ADAMTS17: variants seen among roughly 807,000 people sequenced by gnomAD.
The protein encoded by ADAMTS17 is ADAM metallopeptidase with thrombospondin type 1 motif 17.
A neutral mutation model predicts 141.5 loss-of-function variants in ADAMTS17; 113 were observed. The ratio of observed to expected loss-of-function variants is 0.80; its 90% CI spans 0.69 to 0.93. The LOEUF (loss-of-function observed/expected upper bound fraction) is 0.93. Ranked by LOEUF, ADAMTS17 falls within the 40% of genes least tolerant of loss-of-function variation. ADAMTS17 has a pLI of 0.00. For missense variants in ADAMTS17, 1,659 were observed against 1,517.9 expected, an observed-to-expected ratio of 1.09 and a Z score of -1.54; for synonymous variants, 768 against 630.6, an observed-to-expected ratio of 1.22 and a Z score of -3.27.
chr15:100,055,949 C>T (rs1552098), intron 15 of ADAMTS17, among the ~76,000 whole-genome samples: 40,759 of 152,020 alleles, frequency 0.27, 8,633 homozygotes, highest in African/African-American at 0.59. Context: ...CTGAATCCAA[C>T]AGACCAACCC....
intron 18 of ADAMTS17, among the ~76,000 whole-genome samples, chr15:100,004,174 C>A (rs2060987259): frequency 6.6e-6 from 1 of 152,224 alleles, no homozygotes; most frequent in Non-Finnish European, 1.5e-5. Flanking sequence ...CACGTTCACA[C>A]CTGCAGTGCA....
intron 10 of ADAMTS17, among the ~76,000 whole-genome samples, chr15:100,148,477 T>G (rs1257707519): frequency 6.6e-6 from 1 of 152,164 alleles, no homozygotes; most frequent in Non-Finnish European, 1.5e-5. Flanking sequence ...CACATGTAAT[T>G]TTGAAAGATA....
intron 8 of ADAMTS17, among the ~76,000 whole-genome samples, chr15:100,164,345 C>T (rs1344330985): frequency 3.3e-5 from 5 of 151,916 alleles, no homozygotes; most frequent in African/African-American, 9.7e-5. Flanking sequence ...TACCTCTGAG[C>T]CTTAGTTTCC....
chr15:100,104,753 AT>A (rs1722212827), intron 14 of ADAMTS17, among the ~76,000 whole-genome samples: 1 of 152,236 alleles, frequency 6.6e-6, no homozygotes, highest in African/African-American at 2.4e-5. Flanking sequence ...CTTTCCACTC[AT>A]TAGGCCCCTG....
At chr15:100,072,815 C>A (rs1001469211) in intron 15 of ADAMTS17, among the ~76,000 whole-genome samples, 9 of 152,124 alleles carry the variant, frequency 5.9e-5, no homozygotes, top group African/African-American at 1.7e-4. Context: ...TAGAAGAAAA[C>A]CTAGGCAATA....
At chr15:99,981,318 T>C (rs2060478184) in intron 20 of ADAMTS17, among the ~76,000 whole-genome samples, 1 of 152,184 alleles carries the variant, frequency 6.6e-6, no homozygotes, top group South Asian at 2.1e-4. Flanking sequence ...CAGGGACAGG[T>C]GTCTGTTCTC....
At position 100,095,048 on chromosome 15, in the gene ADAMTS17, G is replaced by A. The variant is rs114530124; in HGVS notation, c.2137+1308C>T. ...AGATGGAAAGATGAACTTTTAAGTT[G>A]GTTTCATTTTAATGAATTACAGTTT... On this transcript the variant is annotated intron_variant, in intron 15 of 21. Transcript: ENST00000268070. Among the ~76,000 whole-genome samples the A allele has an allele frequency of 3.4e-3, 515 of 152,310 alleles. 1 individual carries two copies. Among genetic ancestry groups the A allele is most frequent in the African/African-American group, 0.012 (495 of 41,564 alleles).
At chr15:100,021,256 C>T (rs1427083945) in intron 18 of ADAMTS17, among the ~76,000 whole-genome samples, 1 of 152,136 alleles carries the variant, frequency 6.6e-6, no homozygotes, top group Non-Finnish European at 1.5e-5. Flanking sequence ...CTCTGCTAGT[C>T]CCCATCACTG....
intron 15 of ADAMTS17, among the ~76,000 whole-genome samples, chr15:100,078,797 A>G (rs2034547653): frequency 6.6e-6 from 1 of 152,200 alleles, no homozygotes; most frequent in African/African-American, 2.4e-5. Flanking sequence ...ACACTGGGAG[A>G]AAATCTGTGC....
chr15:100,183,401 G>A (rs552355278), intron 8 of ADAMTS17, among the ~76,000 whole-genome samples: 10 of 152,116 alleles, frequency 6.6e-5, no homozygotes, highest in Middle Eastern at 3.4e-3. Flanking sequence ...CTAAGTTCAC[G>A]GATTTTATTC....
At chr15:100,191,376 G>A (rs922355095) in intron 8 of ADAMTS17, among the ~76,000 whole-genome samples, 1 of 152,212 alleles carries the variant, frequency 6.6e-6, no homozygotes, top group African/African-American at 2.4e-5. Flanking sequence ...TCAGAATACA[G>A]GTAGGACTGC....
intron 18 of ADAMTS17, among the ~76,000 whole-genome samples, chr15:100,034,393 G>A (rs1281526392): frequency 6.6e-6 from 1 of 152,218 alleles, no homozygotes; most frequent in Non-Finnish European, 1.5e-5. Context: ...TGCTGTGACC[G>A]TGGTCACTGT....
intron 7 of ADAMTS17, among the ~76,000 whole-genome samples, chr15:100,233,581 T>C (rs2042558781): frequency 6.6e-6 from 1 of 152,146 alleles, no homozygotes; most frequent in African/African-American, 2.4e-5. Context: ...GTGCAGTCGA[T>C]GGGAACACAG....
At chr15:99,977,829 G>C (rs942073295) in intron 20 of ADAMTS17, among the ~76,000 whole-genome samples, 2 of 152,110 alleles carry the variant, frequency 1.3e-5, no homozygotes, top group African/African-American at 4.8e-5. Context: ...AGGAGCCCTT[G>C]GAATGGTCTC....
intron 4 of ADAMTS17, among the ~76,000 whole-genome samples, chr15:100,274,831 A>T (rs921360307): frequency 6.8e-6 from 1 of 146,466 alleles, no homozygotes; most frequent in Non-Finnish European, 1.5e-5. Flanking sequence ...TTTGGTAGTG[A>T]AACTTTTAAT....
At chr15:100,203,638 G>A (rs1300473126) in intron 7 of ADAMTS17, among the ~76,000 whole-genome samples, 1 of 152,210 alleles carries the variant, frequency 6.6e-6, no homozygotes, top group African/African-American at 2.4e-5. Flanking sequence ...CTGGGAGGTG[G>A]AGCTTGCAGT....
chr15:100,169,331 A>T (rs1325854228), intron 8 of ADAMTS17, among the ~76,000 whole-genome samples: 1 of 152,182 alleles, frequency 6.6e-6, no homozygotes, highest in East Asian at 1.9e-4. Flanking sequence ...ACAGATGCTA[A>T]ATGGGATGCT....
intron 15 of ADAMTS17, chr15:100,074,090 A>G (rs377477976): frequency 6.5e-6 from 1 of 152,996 alleles, no homozygotes; most frequent in South Asian, 2.1e-4. Context: ...TGGTATAAAC[A>G]TATATATTTC....
chr15:100,123,968 G>A (rs555157244), intron 12 of ADAMTS17, among the ~76,000 whole-genome samples: 188 of 146,324 alleles, frequency 1.3e-3, no homozygotes, highest in African/African-American at 4.7e-3. Context: ...TCTGTTCTAG[G>A]ACTTTTTTTT....
Sources: gnomAD v4.1 joint callset for allele counts (sites outside exome capture counted in the v4.1 genomes callset) on GRCh38, gnomAD v4.1.1 for gene constraint, MANE v1.5 for transcripts, NCBI Gene and HGNC (gene_info 2026-07-23, HGNC 2026-07-21) for gene names.